The following CLEC16A variants were observed in gnomAD, a reference collection of about 807,000 sequenced individuals.
CLEC16A encodes protein CLEC16A.
In CLEC16A, 51 loss-of-function variants were observed where a neutral mutation model predicts 109.5. That is an observed-to-expected ratio of 0.47 (90% confidence interval 0.37 to 0.59). The LOEUF (loss-of-function observed/expected upper bound fraction) is 0.59, where lower values mean the gene tolerates loss of function less well. Ranked by LOEUF, CLEC16A falls within the 20% of genes least tolerant of loss-of-function variation. The probability of loss-of-function intolerance (pLI) is 0.00; values close to 1 mark genes in which losing one functional copy is unlikely to be tolerated. For synonymous variants in CLEC16A, 673 were observed against 564.2 expected, an observed-to-expected ratio of 1.19 and a Z score of -2.73; for missense variants, 1,339 against 1,394.0, an observed-to-expected ratio of 0.96 and a Z score of 0.63.
intron 2 of CLEC16A, among the ~76,000 whole-genome samples, chr16:10,959,047 G>GTC (rs2042128733): frequency 6.6e-6 from 1 of 151,556 alleles, no homozygotes; most frequent in African/African-American, 2.4e-5. Flanking sequence ...GTGTGTGTGT[G>GTC]TGTGTCTGTA....
intron 23 of CLEC16A, among the ~76,000 whole-genome samples, chr16:11,168,962 C>T (rs1358699237): frequency 3.9e-5 from 6 of 152,234 alleles, no homozygotes; most frequent in Non-Finnish European, 7.3e-5. Flanking sequence ...CACCAGGGAC[C>T]TGGCCCTGAT....
intron 19 of CLEC16A, among the ~76,000 whole-genome samples, chr16:11,065,790 G>T (rs1223718215): frequency 6.6e-6 from 1 of 152,216 alleles, no homozygotes; most frequent in African/African-American, 2.4e-5. Context: ...TTTAAGGATG[G>T]CAGAGGTGAG....
chr16:11,085,791 C>G (rs1278508860), intron 19 of CLEC16A, among the ~76,000 whole-genome samples: 1 of 152,214 alleles, frequency 6.6e-6, no homozygotes, highest in Non-Finnish European at 1.5e-5. Context: ...AGGGTTTCAT[C>G]TTGTTGCCCA....
intron 22 of CLEC16A, among the ~76,000 whole-genome samples, chr16:11,132,494 A>C (rs1047278164): frequency 6.6e-6 from 1 of 151,992 alleles, no homozygotes; most frequent in Admixed American, 6.5e-5. Context: ...CCTTTTGGCT[A>C]TTGTTGAATG....
intron 15 of CLEC16A, 30 bp from the exon 16 acceptor site, chr16:11,043,998 C>T (rs1347461730): frequency 1.3e-6 from 2 of 1,579,150 alleles, no homozygotes; most frequent in African/African-American, 1.4e-5. Context: ...TGAGACCTGC[C>T]TCCTTCACAC....
intron 22 of CLEC16A, among the ~76,000 whole-genome samples, chr16:11,145,459 C>T (rs551426613): frequency 6.6e-6 from 1 of 152,266 alleles, no homozygotes; most frequent in South Asian, 2.1e-4. Flanking sequence ...CCTGTCAGCT[C>T]TACCTGGGAG....
chr16:11,039,263 G>A (rs1191087150), intron 13 of CLEC16A, among the ~76,000 whole-genome samples: 1 of 152,010 alleles, frequency 6.6e-6, no homozygotes, highest in Non-Finnish European at 1.5e-5. Context: ...TCAGGTCTTG[G>A]GCCACCATGA....
chr16:10,947,680 G>A (rs1012689150), intron 1 of CLEC16A, among the ~76,000 whole-genome samples: 1 of 152,034 alleles, frequency 6.6e-6, no homozygotes, highest in African/African-American at 2.4e-5. Context: ...TGGGCTGAGG[G>A]GTTTCCCAGG....
At chr16:11,151,183 G>A (rs139580041) in intron 22 of CLEC16A, among the ~76,000 whole-genome samples, 153 of 152,284 alleles carry the variant, frequency 1.0e-3, no homozygotes, top group African/African-American at 3.2e-3. Flanking sequence ...GGCCACTTAC[G>A]TTGTTTCTAC....
At position 11,099,972 on chromosome 16, in the gene CLEC16A, G is replaced by GCCA. The variant is rs539300038; in HGVS notation, c.2117-20643_2117-20642insCCA. ...TACCTATCTAGCCAGAGTTGCACCT[G>GCCA]GGGTTTGGAGGCACGGCTGACTGGG... On this transcript the variant is annotated intron_variant, in intron 19 of 23. Transcript: ENST00000409790. Among the ~76,000 whole-genome samples the GCCA allele has an allele frequency of 7.1e-3, 1,083 of 152,260 alleles. 10 individuals are homozygous for GCCA. The highest frequency in any genetic ancestry group is 0.011 in the Non-Finnish European group (748 of 68,024).
chr16:10,959,441 G>A (rs1175111836), intron 2 of CLEC16A, among the ~76,000 whole-genome samples: 3 of 152,192 alleles, frequency 2.0e-5, no homozygotes, highest in Admixed American at 6.5e-5. Flanking sequence ...ATCCAGGCTG[G>A]AGTGCATTGG....
chr16:11,036,017 G>T (rs1454503897), intron 13 of CLEC16A: 1 of 152,374 alleles, frequency 6.6e-6, no homozygotes, highest in African/African-American at 2.4e-5. Flanking sequence ...CGTGTGCTGT[G>T]TGGAATCACC....
At chr16:10,979,099 T>C (rs2043177610) in intron 8 of CLEC16A, among the ~76,000 whole-genome samples, 1 of 152,098 alleles carries the variant, frequency 6.6e-6, no homozygotes, top group Non-Finnish European at 1.5e-5. Context: ...CCGTGAGTAA[T>C]GGTGAAAGGT....
intron 22 of CLEC16A, among the ~76,000 whole-genome samples, chr16:11,165,747 G>A (rs555218481): frequency 6.6e-6 from 1 of 152,288 alleles, no homozygotes; most frequent in East Asian, 1.9e-4. Context: ...CGCTGGGTCA[G>A]TTTACCGCAG....
At chr16:10,994,989 A>G (rs1255722215) in intron 10 of CLEC16A, among the ~76,000 whole-genome samples, 1 of 152,204 alleles carries the variant, frequency 6.6e-6, no homozygotes, top group African/African-American at 2.4e-5. Flanking sequence ...TCCTGGGTTC[A>G]AATCCTGCCT....
intron 18 of CLEC16A, among the ~76,000 whole-genome samples, chr16:11,054,837 G>A (rs2048124779): frequency 6.6e-6 from 1 of 152,068 alleles, no homozygotes; most frequent in Non-Finnish European, 1.5e-5. Flanking sequence ...ACATGGTTTA[G>A]CAAGCAATTG....
At chr16:11,039,944 C>A in intron 14 of CLEC16A, 68 bp downstream of exon 14, 1 of 1,557,270 alleles carries the variant, frequency 6.4e-7, no homozygotes, top group Non-Finnish European at 8.7e-7. Flanking sequence ...CACTGGGAGC[C>A]TGAGCCCTGG....
chr16:11,075,398 G>GTGTGTGTC (rs1567282299), intron 19 of CLEC16A, among the ~76,000 whole-genome samples: 9 of 134,426 alleles, frequency 6.7e-5, no homozygotes, highest in Non-Finnish European at 1.3e-4. Flanking sequence ...GTGTGTGTGT[G>GTGTGTGTC]TGTGTGTGTG....
Position 11,002,945 on chromosome 16 carries a change from G to T in CLEC16A, c.1072-129G>T. 4.3e-6 allele frequency: 3 copies of T among 698,416 alleles called. No homozygotes were observed. The South Asian group carries it at 5.8e-5, about 14-fold the overall frequency. The allele number at this position is 698,416 out of a possible 1,614,324, so 43.3% of individuals were successfully genotyped here. On this transcript the variant is annotated intron_variant, in intron 10 of 23. Coordinates refer to ENST00000409790, the MANE Select transcript of CLEC16A (RefSeq NM_015226.3). ...GTCCCGCAGTAAGCATGCGAGTGCA[G>T]CTATCTTATGATATAATGGTTTCTT...
Sources: gnomAD v4.1 joint callset for allele counts (sites outside exome capture counted in the v4.1 genomes callset) on GRCh38, gnomAD v4.1.1 for gene constraint, MANE v1.5 for transcripts, NCBI Gene and HGNC (gene_info 2026-07-23, HGNC 2026-07-21) for gene names.